C1QTNF3: variants seen among roughly 807,000 people sequenced by gnomAD.
C1QTNF3 encodes C1q and TNF related 3.
C1QTNF3 carries 26 observed loss-of-function variants against 32.6 expected under a neutral mutation model. The observed-to-expected ratio is 0.80, with a 90% CI of 0.58 to 1.11. C1QTNF3 has a LOEUF of 1.11. C1QTNF3 is among the 50% of genes least tolerant of loss of function. The probability of loss-of-function intolerance (pLI) is 0.00; values close to 1 mark genes in which losing one functional copy is unlikely to be tolerated. For synonymous variants in C1QTNF3, 155 were observed against 146.0 expected, an observed-to-expected ratio of 1.06 and a Z score of -0.44; for missense variants, 362 against 398.2, an observed-to-expected ratio of 0.91 and a Z score of 0.77.
the C1QTNF3 span, among the ~76,000 whole-genome samples, chr5:34,228,935 A>G: frequency 6.7e-6 from 1 of 149,344 alleles, no homozygotes; most frequent in African/African-American, 2.5e-5. Context: ...AGCTGCACAC[A>G]TTTTCCTTAG....
At chr5:34,197,395 T>C in the C1QTNF3 span, among the ~76,000 whole-genome samples, 1 of 152,246 alleles carries the variant, frequency 6.6e-6, no homozygotes, top group Admixed American at 6.5e-5. Context: ...GGTGCCATTC[T>C]CTTATAAAAG....
upstream of C1QTNF3, among the ~76,000 whole-genome samples, chr5:34,046,622 A>G (rs1345473004): frequency 6.6e-6 from 1 of 152,198 alleles, no homozygotes; most frequent in African/African-American, 2.4e-5. Context: ...TAACACCTTG[A>G]TCTCAGACGT....
chr5:34,033,344 T>C lies in C1QTNF3; in HGVS notation c.530A>G (p.Lys177Arg), dbSNP rs1347939942. ...PRGERGQHGP[K>R]GEKGYPGIPP... ...AATCCCCGGGTAGCCCTTCTCTCCT[T>C]TGGGGCCATGCTGCCCCCGCTCCCC... The change falls in exon 3 of 6, where the codon AAA becomes AGA. Residue 177 changes from lysine (K) to arginine (R), a missense_variant. Transcript: ENST00000382065. The C allele has an allele frequency of 1.2e-6, 2 of 1,613,858 alleles. No individual in the cohort carries two copies. Among genetic ancestry groups the C allele is most frequent in the African/African-American group, 2.7e-5 (2 of 74,890 alleles).
the C1QTNF3 span, among the ~76,000 whole-genome samples, chr5:34,083,951 AC>A: frequency 6.6e-6 from 1 of 151,812 alleles, no homozygotes; most frequent in African/African-American, 2.4e-5. Context: ...AATCGGTTTC[AC>A]TATTTTAAAC....
At chr5:34,204,014 A>T in the C1QTNF3 span, among the ~76,000 whole-genome samples, 8 of 152,330 alleles carry the variant, frequency 5.3e-5, no homozygotes, top group Admixed American at 1.3e-4. Flanking sequence ...GACCACCAAG[A>T]TTCATCAAAT....
At chr5:34,129,465 T>C in the C1QTNF3 span, among the ~76,000 whole-genome samples, 1 of 152,164 alleles carries the variant, frequency 6.6e-6, no homozygotes, top group South Asian at 2.1e-4. Flanking sequence ...AAGAGTGCAA[T>C]ATTTCTGTGA....
the C1QTNF3 span, chr5:34,239,338 C>T: frequency 3.3e-5 from 5 of 152,122 alleles, no homozygotes; most frequent in Admixed American, 6.5e-5. Flanking sequence ...ACTTAAATGA[C>T]GTACAATGGC....
chr5:34,118,983 TTTGTATGCAGACAATGAACCTCACTGAC>T, the C1QTNF3 span, among the ~76,000 whole-genome samples: 5 of 152,308 alleles, frequency 3.3e-5, no homozygotes, highest in African/African-American at 1.2e-4. Flanking sequence ...CCAACACATA[TTTGTATGCAGACAATGAACCTCACTGAC>T]TCATATGTGT....
the C1QTNF3 span, among the ~76,000 whole-genome samples, chr5:34,129,274 C>T: frequency 6.6e-6 from 1 of 152,218 alleles, no homozygotes; most frequent in East Asian, 1.9e-4. Flanking sequence ...TAGTTCTTTA[C>T]AGCAGTGTGT....
At chr5:34,187,673 C>T in the C1QTNF3 span, among the ~76,000 whole-genome samples, 1 of 152,042 alleles carries the variant, frequency 6.6e-6, no homozygotes, top group African/African-American at 2.4e-5. Flanking sequence ...TTCTAGAGTT[C>T]CCTAGAGATC....
At position 34,028,777 on chromosome 5, in the gene C1QTNF3, C is replaced by A; in HGVS notation, c.677G>T (p.Gly226Val). Residue 226 changes from glycine (G) to valine (V), a missense_variant, in exon 4 of 6, where the codon GGT becomes GTT. Physicochemically the swap from Gly to Val is moderately radical, Grantham distance 109. Coordinates refer to ENST00000382065, the MANE Select transcript of C1QTNF3 (RefSeq NM_181435.6). ...NIGNFFDVMT[G>V]RFGAPVSGVY... ...ACCTGATACTGGGGCCCCAAATCTA[C>A]CAGTCATGACATCAAAGAAGTTTCC... 1 of 1,608,576 alleles carries A rather than the reference C, an allele frequency of 6.2e-7. No individual in the cohort carries two copies. The highest frequency in any genetic ancestry group is 8.5e-7 in the Non-Finnish European group (1 of 1,177,120).
the C1QTNF3 span, chr5:34,175,881 C>A: frequency 3.7e-6 from 3 of 800,942 alleles, no homozygotes; most frequent in Non-Finnish European, 6.8e-6. Context: ...GTATTTTCTG[C>A]GTTTTTGATT....
At chr5:34,209,046 C>A in the C1QTNF3 span, among the ~76,000 whole-genome samples, 1 of 152,136 alleles carries the variant, frequency 6.6e-6, no homozygotes, top group African/African-American at 2.4e-5. Flanking sequence ...AACTGGTAAA[C>A]CTCCTATAAT....
At position 34,043,049 on chromosome 5, in the gene C1QTNF3, T is replaced by C; in HGVS notation, c.77A>G (p.Tyr26Cys). ...FLPFCLCQDEYMEVSGRTNKV... is the reference protein window; with the variant it reads ...FLPFCLCQDECMEVSGRTNKV... ...ATTAGTTCTTCCGCTCACCTCCATG[T>C]ATTCATCTTGACACAGGCAAAAAGG... The change falls in exon 1 of 6, where the codon TAC becomes TGC. Residue 26 changes from tyrosine (Y) to cysteine (C), a missense_variant. Physicochemically the swap from Tyr to Cys is radical, Grantham distance 194. Coordinates refer to ENST00000382065, the MANE Select transcript of C1QTNF3 (RefSeq NM_181435.6). 2 of 1,614,142 alleles carry C rather than the reference T, an allele frequency of 1.2e-6. No individual in the cohort carries two copies. The highest frequency in any genetic ancestry group is 1.7e-6 in the Non-Finnish European group (2 of 1,180,024).
At chr5:34,081,662 GA>G in the C1QTNF3 span, among the ~76,000 whole-genome samples, 10 of 145,378 alleles carry the variant, frequency 6.9e-5, no homozygotes, top group South Asian at 4.3e-4. Flanking sequence ...AAAGTAGAAA[GA>G]AAAAAAAAAC....
At chr5:34,177,606 C>A in the C1QTNF3 span, among the ~76,000 whole-genome samples, 2 of 150,332 alleles carry the variant, frequency 1.3e-5, no homozygotes, top group Admixed American at 1.3e-4. Context: ...CCTGCTTTAG[C>A]CTCCTGAGTA....
the C1QTNF3 span, among the ~76,000 whole-genome samples, chr5:34,076,604 T>C: frequency 1.3e-5 from 2 of 151,580 alleles, no homozygotes; most frequent in South Asian, 2.1e-4. Flanking sequence ...TATTTAAATT[T>C]CAGTGGCATC....
the C1QTNF3 span, among the ~76,000 whole-genome samples, chr5:34,061,753 C>T: frequency 6.6e-6 from 1 of 152,170 alleles, no homozygotes; most frequent in Non-Finnish European, 1.5e-5. Context: ...GACCCTGGGC[C>T]CAGCCCATGA....
At chr5:34,027,524 C>A (rs1221268398) in intron 4 of C1QTNF3, among the ~76,000 whole-genome samples, 3 of 151,986 alleles carry the variant, frequency 2.0e-5, no homozygotes, top group Non-Finnish European at 4.4e-5. Flanking sequence ...CATGGTAAAG[C>A]CCGTCTCTAC....
Sources: gnomAD v4.1 joint callset for allele counts (sites outside exome capture counted in the v4.1 genomes callset) on GRCh38, gnomAD v4.1.1 for gene constraint, MANE v1.5 for transcripts, NCBI Gene and HGNC (gene_info 2026-07-23, HGNC 2026-07-21) for gene names.